Variants in OPCML observed in about 807,000 individuals in gnomAD.
OPCML encodes the protein opioid binding protein/cell adhesion molecule like.
Under a neutral mutation model 37.8 loss-of-function variants are expected in OPCML, and 13 were observed. The ratio of observed to expected loss-of-function variants is 0.34; its 90% CI spans 0.22 to 0.55. OPCML has a LOEUF of 0.55. Ranked by LOEUF, OPCML falls within the 20% of genes least tolerant of loss-of-function variation. The probability of loss-of-function intolerance (pLI) is 0.91; values close to 1 mark genes in which losing one functional copy is unlikely to be tolerated. For synonymous variants in OPCML, 176 were observed against 168.8 expected (o/e 1.04, Z -0.33); for missense variants, 341 against 435.6 (o/e 0.78, Z 1.93).
intron 2 of OPCML, among the ~76,000 whole-genome samples, chr11:132,896,783 G>A (rs1274322886): frequency 6.6e-6 from 1 of 152,210 alleles, no homozygotes; most frequent in Non-Finnish European, 1.5e-5. Flanking sequence ...TAAGGCGTTT[G>A]CATATCAGAG....
chr11:132,809,414 T>A (rs1473493195), intron 2 of OPCML, among the ~76,000 whole-genome samples: 1 of 152,214 alleles, frequency 6.6e-6, no homozygotes, highest in Non-Finnish European at 1.5e-5. Flanking sequence ...GAGCTACAGT[T>A]ACCACTGTGC....
At chr11:133,126,758 AC>A (rs1179408306) in intron 1 of OPCML, among the ~76,000 whole-genome samples, 3 of 152,086 alleles carry the variant, frequency 2.0e-5, no homozygotes, top group Admixed American at 1.3e-4. Flanking sequence ...GCCCAAGGCT[AC>A]CCAGCTACAC....
At chr11:133,122,613 G>A (rs758821866) in intron 1 of OPCML, among the ~76,000 whole-genome samples, 5 of 152,116 alleles carry the variant, frequency 3.3e-5, no homozygotes, top group Non-Finnish European at 7.4e-5. Context: ...CATGGAGAGT[G>A]TGTGAGAGCC....
At chr11:133,017,250 C>T (rs532190845) in intron 1 of OPCML, among the ~76,000 whole-genome samples, 46 of 152,256 alleles carry the variant, frequency 3.0e-4, no homozygotes, top group African/African-American at 1.1e-3. Flanking sequence ...CTCCCAAAGG[C>T]TCTTCCTTCT....
chr11:132,509,522 G>A (rs1425186013), intron 4 of OPCML, among the ~76,000 whole-genome samples: 1 of 152,132 alleles, frequency 6.6e-6, no homozygotes, highest in African/African-American at 2.4e-5. Flanking sequence ...GTGATTTTGT[G>A]GGCCAGGCCC....
At chr11:132,839,781 G>A (rs189540150) in intron 2 of OPCML, among the ~76,000 whole-genome samples, 2 of 152,170 alleles carry the variant, frequency 1.3e-5, no homozygotes, top group East Asian at 3.9e-4. Context: ...TCAATTATTC[G>A]GCAACTGATC....
intron 2 of OPCML, among the ~76,000 whole-genome samples, chr11:132,684,228 C>G (rs1033651054): frequency 6.6e-6 from 1 of 152,104 alleles, no homozygotes; most frequent in East Asian, 1.9e-4. Flanking sequence ...ATACTAGTGG[C>G]TATTATAAAT....
chr11:132,586,009 T>C (rs2096471825), intron 3 of OPCML, among the ~76,000 whole-genome samples: 1 of 152,124 alleles, frequency 6.6e-6, no homozygotes, highest in Non-Finnish European at 1.5e-5. Context: ...ACACCTGCCT[T>C]CTAGAAGGGA....
rs181495599 is a variant in OPCML, at chr11:132,849,456, T to C, written c.146+93470A>G. The stretch of plus-strand genomic sequence containing the variant: ...CTTCTACCTTCGTGAAGTGGCAGCA[T>C]CTTCTGGAAGAGGAGCTGACCATAA... On this transcript the variant is annotated intron_variant, in intron 2 of 7. Transcript: ENST00000524381. Among the ~76,000 whole-genome samples the C allele has an allele frequency of 2.6e-4, 40 of 152,314 alleles. No individual in the cohort carries two copies. In the East Asian group the frequency reaches 6.8e-3, roughly 26 times the overall value.
chr11:133,506,959 TC>T (rs1482947306), intron 1 of OPCML, among the ~76,000 whole-genome samples: 2 of 152,222 alleles, frequency 1.3e-5, no homozygotes, highest in Non-Finnish European at 2.9e-5. Flanking sequence ...CCACTTTCTT[TC>T]TTCCAAACCC....
chr11:133,473,938 A>G (rs936777272), intron 1 of OPCML, among the ~76,000 whole-genome samples: 1 of 152,208 alleles, frequency 6.6e-6, no homozygotes, highest in East Asian at 1.9e-4. Context: ...ATAAAGACAT[A>G]TTTGTGATTG....
At chr11:132,895,001 G>T (rs1257882290) in intron 2 of OPCML, among the ~76,000 whole-genome samples, 1 of 152,170 alleles carries the variant, frequency 6.6e-6, no homozygotes, top group African/African-American at 2.4e-5. Flanking sequence ...TGTTGGTTCT[G>T]TCTTTCTGAA....
rs112082667 is a variant in OPCML at position 132,483,175 on chromosome 11, T to A, written c.506-45816A>T. ...TGACTGTATATCTAGAAAACCCCATTGTCTCAGCCCAAAATCTCCTTAAGC... is the reference window on the plus strand; with the variant it reads ...TGACTGTATATCTAGAAAACCCCATAGTCTCAGCCCAAAATCTCCTTAAGC... On this transcript the variant is annotated intron_variant, in intron 4 of 7. Transcript: ENST00000524381. 2.1e-5 allele frequency among the ~76,000 whole-genome samples: 3 copies of A among 146,096 alleles called. 1 individual carries two copies. The highest frequency in any genetic ancestry group is 6.8e-3 in the Middle Eastern group (2 of 292).
chr11:133,506,098 T>C (rs1190841570), intron 1 of OPCML, among the ~76,000 whole-genome samples: 1 of 152,222 alleles, frequency 6.6e-6, no homozygotes, highest in Non-Finnish European at 1.5e-5. Context: ...TTTCTAAATG[T>C]CCCTCTCCAT....
At chr11:133,378,900 C>A (rs1305748867) in intron 1 of OPCML, among the ~76,000 whole-genome samples, 2 of 151,890 alleles carry the variant, frequency 1.3e-5, no homozygotes, top group African/African-American at 4.8e-5. Context: ...CACCATCATG[C>A]CCATCTAAAT....
intron 4 of OPCML, among the ~76,000 whole-genome samples, chr11:132,512,036 C>T (rs980255872): frequency 3.3e-5 from 5 of 151,842 alleles, no homozygotes; most frequent in Admixed American, 1.3e-4. Flanking sequence ...ATAAACAGCC[C>T]AATTAGAAAC....
intron 1 of OPCML, among the ~76,000 whole-genome samples, chr11:133,486,970 A>G (rs1483637893): frequency 6.6e-6 from 1 of 151,612 alleles, no homozygotes; most frequent in Non-Finnish European, 1.5e-5. Context: ...TCCAAAACAT[A>G]TGCCAAATCC....
chr11:132,911,607 T>C (rs572404376), intron 2 of OPCML, among the ~76,000 whole-genome samples: 205 of 152,236 alleles, frequency 1.3e-3, no homozygotes, highest in Non-Finnish European at 2.0e-3. Flanking sequence ...CAAGTGACTC[T>C]CCAGTCATAC....
intron 2 of OPCML, among the ~76,000 whole-genome samples, chr11:132,752,585 T>C (rs1945873063): frequency 6.6e-6 from 1 of 151,312 alleles, no homozygotes; most frequent in African/African-American, 2.4e-5. Flanking sequence ...AAGTTGATCC[T>C]CTAGAGCCTT....
Sources: gnomAD v4.1 joint callset for allele counts (sites outside exome capture counted in the v4.1 genomes callset) on GRCh38, gnomAD v4.1.1 for gene constraint, MANE v1.5 for transcripts, NCBI Gene and HGNC (gene_info 2026-07-23, HGNC 2026-07-21) for gene names.